Variants in CUBN observed in about 807,000 individuals in gnomAD.
CUBN encodes the protein 460 kDa receptor.
In CUBN, 282 loss-of-function variants were observed where a neutral mutation model predicts 405.3. The ratio of observed to expected loss-of-function variants is 0.70; its 90% CI spans 0.63 to 0.77. CUBN has a LOEUF of 0.77. Among genes scored for constraint, CUBN ranks in the 30% least tolerant of loss-of-function variants. The pLI, the probability that CUBN is intolerant of heterozygous loss-of-function variation, is 0.00. For synonymous variants in CUBN, 1,684 were observed against 1,617.0 expected (o/e 1.04, Z -0.99); for missense variants, 4,514 against 4,475.2 (o/e 1.01, Z -0.25).
chr10:16,841,770 G>A lies in CUBN; in HGVS notation c.9664-723C>T, dbSNP rs781490757. Among the ~76,000 whole-genome samples, 9 of 151,886 alleles carry A rather than the reference G, an allele frequency of 5.9e-5. No individual in the cohort carries two copies. The East Asian group carries it at 1.2e-3, about 20-fold the overall frequency. Reference sequence around the variant, plus strand: ...TTACTCACATATCCCCAACTCGGCCGGGCGTGGTGGTACACCCCTGTAATC... The same window carrying A: ...TTACTCACATATCCCCAACTCGGCCAGGCGTGGTGGTACACCCCTGTAATC... On this transcript the variant is annotated intron_variant, in intron 60 of 66. Coordinates refer to ENST00000377833, the MANE Select transcript of CUBN (RefSeq NM_001081.4).
rs901565800 is a variant in CUBN at position 16,851,557 on chromosome 10, T to C, written c.9455-114A>G. ...CATTTTCTGTCACACTCTGAGAACA[T>C]GATCAGATCATTCCCTCCTGGGCTC... On this transcript the variant is annotated intron_variant, in intron 59 of 66. Coordinates refer to ENST00000377833, the MANE Select transcript of CUBN (RefSeq NM_001081.4). The C allele has an allele frequency of 4.2e-6, 4 of 959,674 alleles. No individual in the cohort carries two copies. In the African/African-American group the frequency reaches 6.5e-5, roughly 16 times the overall value. The allele number at this position is 959,674 out of a possible 1,614,324, so 59.4% of individuals were successfully genotyped here. A position where few individuals can be genotyped will look rare whatever the true frequency, so the allele number is the denominator to read the frequency against.
chr10:16,912,600 C>A (rs1564419694), intron 48 of CUBN, among the ~76,000 whole-genome samples: 1 of 152,028 alleles, frequency 6.6e-6, no homozygotes, highest in Non-Finnish European at 1.5e-5. Context: ...GAGCAGAGAC[C>A]CCAGTGAAGT....
At chr10:17,094,142 T>C (rs1836323188) in intron 14 of CUBN, among the ~76,000 whole-genome samples, 1 of 151,890 alleles carries the variant, frequency 6.6e-6, no homozygotes, top group Admixed American at 6.6e-5. Context: ...GAAAATTAAA[T>C]ATAAACACAC....
In CUBN at chr10:17,084,293, T is replaced by C; in HGVS notation, c.2279A>G (p.Asp760Gly). 1 of 1,614,120 alleles carries C rather than the reference T, an allele frequency of 6.2e-7. No homozygotes were observed. The highest frequency in any genetic ancestry group is 8.5e-7 in the Non-Finnish European group (1 of 1,180,026). The change falls in exon 17 of 67, where the codon GAC becomes GGC. Residue 760 changes from aspartate to glycine, a missense_variant. By Grantham distance (94) the Asp-to-Gly change is moderately conservative (BLOSUM62 -1). This residue lies in a region of CUBN where 1,448 missense variants were observed against 1,388.0 expected (regional missense o/e 1.04). Coordinates refer to ENST00000377833, the MANE Select transcript of CUBN (RefSeq NM_001081.4). The part of the protein sequence containing the change: ...FTHVELQCQS[D>G]SSQNYIEVRD... ...TACCTCAATGTAATTCTGAGAACTG[T>C]CACTCTGGCATTGCAGCTCCACGTG...
chr10:16,859,848 G>T (rs1839966422), intron 59 of CUBN, among the ~76,000 whole-genome samples: 1 of 152,110 alleles, frequency 6.6e-6, no homozygotes, highest in South Asian at 2.1e-4. Flanking sequence ...AAAATGTTTT[G>T]TGTACCTATT....
chr10:16,869,164 A>ATTTTT (rs72310717), intron 59 of CUBN, among the ~76,000 whole-genome samples: 19,537 of 120,568 alleles, frequency 0.16, 1,970 homozygotes, highest in Non-Finnish European at 0.22. Flanking sequence ...TACCAAAGTG[A>ATTTTT]TTTTTTTTTT....
At chr10:16,865,751 A>G (rs1016209438) in intron 59 of CUBN, among the ~76,000 whole-genome samples, 2 of 152,164 alleles carry the variant, frequency 1.3e-5, no homozygotes, top group Admixed American at 6.5e-5. Flanking sequence ...CAATAAGGGA[A>G]TAAAAGCTGG....
chr10:17,026,260 G>A (rs1280676794), intron 27 of CUBN, among the ~76,000 whole-genome samples: 3 of 152,202 alleles, frequency 2.0e-5, no homozygotes, highest in Non-Finnish European at 2.9e-5. Flanking sequence ...GAAAAACTTG[G>A]AACTTTATCC....
Position 17,084,311 on chromosome 10 carries a change from T to G in CUBN, c.2261A>C (p.Glu754Ala), listed in dbSNP as rs147878491. ...EQIQINFTHV[E>A]LQCQSDSSQN... The stretch of plus-strand genomic sequence containing the variant: ...AGAACTGTCACTCTGGCATTGCAGC[T>G]CCACGTGGGTGAAGTTGATTTGTAT... Residue 754 changes from glutamate to alanine, a missense_variant, in exon 17 of 67, where the codon GAG (glutamate) becomes GCG (alanine). Coordinates refer to ENST00000377833, the MANE Select transcript of CUBN (RefSeq NM_001081.4). The G allele has an allele frequency of 2.1e-5, 34 of 1,613,994 alleles. No individual in the cohort carries two copies. Among genetic ancestry groups the G allele is most frequent in the Non-Finnish European group, 2.6e-5 (31 of 1,180,028 alleles).
At position 16,869,769 on chromosome 10, in the gene CUBN, G is replaced by A. The variant is rs560981895; in HGVS notation, c.9321C>T (p.Pro3107=). ...TGGAACCGCAGAATTTGCCAAGAAG[G>A]GGATCGCTGGTATTGGCACCATCGT... ...AIYDGANTSD[P]LLGKFCGSKR... The change falls in exon 59 of 67, where the codon CCC becomes CCT. Residue 3107 remains proline, a synonymous_variant. Coordinates refer to ENST00000377833, the MANE Select transcript of CUBN (RefSeq NM_001081.4). 2 of 1,614,072 alleles carry A rather than the reference G, an allele frequency of 1.2e-6. No homozygotes were observed. Among genetic ancestry groups the A allele is most frequent in the East Asian group, 2.2e-5 (1 of 44,884 alleles).
At chr10:17,038,673 A>G (rs2131812227) in intron 27 of CUBN, among the ~76,000 whole-genome samples, 1 of 152,334 alleles carries the variant, frequency 6.6e-6, no homozygotes, top group African/African-American at 2.4e-5. Context: ...TGGAAGCTAG[A>G]TTTCTGTGTG....
chr10:16,873,075 T>C (rs947448194), intron 58 of CUBN, among the ~76,000 whole-genome samples: 4 of 151,942 alleles, frequency 2.6e-5, no homozygotes, highest in African/African-American at 4.8e-5. Flanking sequence ...ATCTTTAGGG[T>C]AGAAAATGAT....
chr10:16,938,537 G>A (rs905896253), intron 38 of CUBN, among the ~76,000 whole-genome samples: 4 of 152,042 alleles, frequency 2.6e-5, no homozygotes, highest in East Asian at 1.9e-4. Flanking sequence ...GTAAGCATCC[G>A]ATTGTGTTTC....
rs564553789 is a variant in CUBN at position 16,954,308 on chromosome 10, G to A, written c.4855+81C>T. ...GTAGAAGGCTGTGATCAATTTCTGA[G>A]CACAGGTCTCATTTCACTGTTGCAC... is the stretch of plus-strand genomic sequence containing the variant. On this transcript the variant is annotated intron_variant, in intron 32 of 66. Transcript: ENST00000377833. 40 of 1,476,828 alleles carry A rather than the reference G, an allele frequency of 2.7e-5. No homozygotes were observed. In the South Asian group the frequency reaches 4.3e-4, roughly 16 times the overall value. 91.5% of individuals were successfully genotyped at this position (1,476,828 alleles called of 1,614,324 possible).
At chr10:17,097,477 A>G (rs953609524) in intron 14 of CUBN, among the ~76,000 whole-genome samples, 2 of 152,176 alleles carry the variant, frequency 1.3e-5, no homozygotes, top group Non-Finnish European at 2.9e-5. Context: ...CATTTAAGAA[A>G]TATTGTCAAT....
chr10:16,884,277 C>T (rs1160853226), intron 56 of CUBN, among the ~76,000 whole-genome samples: 2 of 152,172 alleles, frequency 1.3e-5, no homozygotes, highest in Admixed American at 6.5e-5. Context: ...CCACCATGCC[C>T]GGCCTACTAT....
At chr10:16,825,437 T>C (rs1205051946) in intron 66 of CUBN, among the ~76,000 whole-genome samples, 1 of 152,208 alleles carries the variant, frequency 6.6e-6, no homozygotes, top group African/African-American at 2.4e-5. Context: ...TTGGATGGTA[T>C]TGAAATTGTA....
Position 17,105,568 on chromosome 10 carries a change from T to C in CUBN, c.1119A>G (p.Leu373=). 6.3e-7 allele frequency: 1 copy of C among 1,575,770 alleles called. No homozygotes were observed. The highest frequency in any genetic ancestry group is 8.7e-7 in the Non-Finnish European group (1 of 1,144,614). ...AACCCGGGAGACACGTGCAGAGAGG[T>C]AAGGAACCTGTTCAGAAATAAAAAC... is the stretch of plus-strand genomic sequence containing the variant. ...DASCSSTLGS[L]PLCTCLPGYT... is the part of the protein sequence containing the mutation. The change falls in exon 11 of 67, where the codon TTA becomes TTG. Residue 373 remains leucine (L), a synonymous_variant. Transcript: ENST00000377833.
In CUBN at chr10:16,918,725, T is replaced by C. The variant is rs759220471; in HGVS notation, c.6897A>G (p.Thr2299=). 22 of 1,613,890 alleles carry C rather than the reference T, an allele frequency of 1.4e-5. No homozygotes were observed. Among genetic ancestry groups the C allele is most frequent in the Non-Finnish European group, 1.8e-5 (21 of 1,179,928 alleles). ...DAPILSKFCG[T]SLPSSQWSSG... ...AGGACCACTGACTGCTGGGCAAAGATGTCCCACAAAATTTGGAAAGTATTG... is the reference window on the plus strand; with the variant it reads ...AGGACCACTGACTGCTGGGCAAAGACGTCCCACAAAATTTGGAAAGTATTG... The change falls in exon 45 of 67, where the codon ACA becomes ACG. Residue 2299 remains threonine, a synonymous_variant. Coordinates refer to ENST00000377833, the MANE Select transcript of CUBN (RefSeq NM_001081.4).
Sources: allele counts gnomAD v4.1 joint callset (sites outside exome capture counted in the v4.1 genomes callset), GRCh38; gene constraint gnomAD v4.1.1; regional missense constraint gnomAD v4.1.1; transcripts MANE v1.5; gene names NCBI Gene and HGNC (gene_info 2026-07-23, HGNC 2026-07-21).